Variants in RELL1 observed in about 807,000 individuals in gnomAD.
The protein encoded by RELL1 is RELT-like protein 1.
Under a neutral mutation model 23.0 loss-of-function variants are expected in RELL1, and 10 were observed. That is an observed-to-expected ratio of 0.43 (90% CI 0.27 to 0.74). RELL1 has a LOEUF of 0.74. Among genes scored for constraint, RELL1 ranks in the 30% least tolerant of loss-of-function variants. The pLI is 0.19. For synonymous variants in RELL1, 146 were observed against 146.8 expected (o/e 0.99, Z 0.04); for missense variants, 315 against 364.4 (o/e 0.86, Z 1.10).
chr4:37,659,427 A>T (rs1721239543), intron 1 of RELL1, among the ~76,000 whole-genome samples: 1 of 152,182 alleles, frequency 6.6e-6, no homozygotes, highest in South Asian at 2.1e-4. Flanking sequence ...TGTATTTCCA[A>T]CTGACCCCAA....
chr4:37,587,432 G>A (rs1343818705), downstream of RELL1, among the ~76,000 whole-genome samples: 1 of 152,114 alleles, frequency 6.6e-6, no homozygotes, highest in Non-Finnish European at 1.5e-5. Flanking sequence ...TTTTTTTAAT[G>A]TAAATCTAGT....
intron 1 of RELL1, among the ~76,000 whole-genome samples, chr4:37,682,296 T>C (rs985741382): frequency 2.6e-5 from 4 of 152,256 alleles, no homozygotes; most frequent in Non-Finnish European, 4.4e-5. Flanking sequence ...ATTATTAATA[T>C]ACCCGCTTTC....
At chr4:37,649,249 C>T in intron 2 of RELL1, 27 bp downstream of exon 2, 1 of 1,563,664 alleles carries the variant, frequency 6.4e-7, no homozygotes, top group Non-Finnish European at 8.8e-7. Context: ...CTCCTCACCC[C>T]CAATAAAAAG....
At chr4:37,685,569 G>C (rs1248073196) in intron 1 of RELL1, among the ~76,000 whole-genome samples, 1 of 152,148 alleles carries the variant, frequency 6.6e-6, no homozygotes, top group African/African-American at 2.4e-5. Flanking sequence ...CGTGACGACA[G>C]GAATCAACAA....
At chr4:37,627,498 G>T (rs1029248918) in intron 6 of RELL1, among the ~76,000 whole-genome samples, 5 of 152,188 alleles carry the variant, frequency 3.3e-5, no homozygotes, top group African/African-American at 4.8e-5. Flanking sequence ...GGGCAAGAGG[G>T]CAAGTTAGAT....
chr4:37,638,482 C>G lies in RELL1; in HGVS notation c.408G>C (p.Ala136=), dbSNP rs772637223. The change falls in exon 4 of 7, where the codon GCG becomes GCC. Residue 136 remains alanine, a synonymous_variant. Transcript: ENST00000454158. ...CATACAGGCTGTTATCTGCTACCAT[C>G]GCCTTTAAGACATCAGCATTCGCTA... The part of the protein sequence containing the change: ...KNEANADVLK[A]MVADNSLYDP... The G allele has an allele frequency of 6.2e-7, 1 of 1,612,538 alleles. No homozygotes were observed. The highest frequency in any genetic ancestry group is 1.1e-5 in the South Asian group (1 of 90,800).
At chr4:37,659,609 C>G (rs7692854) in intron 1 of RELL1, among the ~76,000 whole-genome samples, 2,192 of 152,118 alleles carry the variant, frequency 0.014, 55 homozygotes, top group African/African-American at 0.048. Context: ...CCAGCTACCT[C>G]TGTGATACTG....
At chr4:37,608,949 A>G (rs1481365626), downstream of RELL1, among the ~76,000 whole-genome samples, 1 of 152,210 alleles carries the variant, frequency 6.6e-6, no homozygotes, top group Non-Finnish European at 1.5e-5. Flanking sequence ...AGGATTAACT[A>G]AAGAAACCAT....
chr4:37,596,458 A>C (rs1021460173), intron 6 of RELL1, among the ~76,000 whole-genome samples: 3 of 148,164 alleles, frequency 2.0e-5, no homozygotes, highest in African/African-American at 2.5e-5. Flanking sequence ...CCTTTTTTTT[A>C]TCTTGCACCA....
At position 37,671,122 on chromosome 4, in the gene RELL1, A is replaced by C. The variant is rs567528930; in HGVS notation, c.88+15078T>G. On this transcript the variant is annotated intron_variant, in intron 1 of 6. Coordinates refer to ENST00000454158, the MANE Select transcript of RELL1 (RefSeq NM_001085400.2). ...CTCCACAGGTTAAATACTCAATCCC[A>C]CAAGACTGACCCCACTTCAGATGCC... 5.9e-5 allele frequency among the ~76,000 whole-genome samples: 9 copies of C among 152,308 alleles called. No homozygotes were observed. In the South Asian group the frequency reaches 1.9e-3, roughly 32 times the overall value.
chr4:37,673,355 A>G (rs1486224532), intron 1 of RELL1, among the ~76,000 whole-genome samples: 1 of 151,670 alleles, frequency 6.6e-6, no homozygotes, highest in East Asian at 1.9e-4. Flanking sequence ...ATGCCCAGCT[A>G]ATTTTTGTCC....
chr4:37,629,160 T>G (rs1388663613), intron 6 of RELL1, among the ~76,000 whole-genome samples: 1 of 152,148 alleles, frequency 6.6e-6, no homozygotes, highest in Non-Finnish European at 1.5e-5. Context: ...ATCTCTCAAC[T>G]CACTGCCCAG....
At chr4:37,680,931 CAAAAA>C (rs397992973) in intron 1 of RELL1, among the ~76,000 whole-genome samples, 5 of 73,628 alleles carry the variant, frequency 6.8e-5, no homozygotes, top group Non-Finnish European at 5.8e-5. Flanking sequence ...CACTCCATCT[CAAAAA>C]AAAAAAAAAA....
downstream of RELL1, among the ~76,000 whole-genome samples, chr4:37,609,392 G>A (rs572255053): frequency 6.6e-6 from 1 of 152,324 alleles, no homozygotes; most frequent in South Asian, 2.1e-4. Context: ...GACCTGGTCA[G>A]TTACCCAAGA....
intron 6 of RELL1, among the ~76,000 whole-genome samples, chr4:37,599,990 C>G (rs540619027): frequency 1.3e-5 from 2 of 152,196 alleles, no homozygotes; most frequent in Non-Finnish European, 2.9e-5. Flanking sequence ...GTAATTTTGT[C>G]CGAGTACAGT....
At chr4:37,604,809 A>ACG (rs1491338481) in intron 6 of RELL1, among the ~76,000 whole-genome samples, 1 of 47,018 alleles carries the variant, frequency 2.1e-5, no homozygotes, top group Non-Finnish European at 5.8e-5. Context: ...ACACACACAC[A>ACG]GACACACACA....
chr4:37,656,721 T>C (rs1721131658), intron 1 of RELL1, among the ~76,000 whole-genome samples: 1 of 152,188 alleles, frequency 6.6e-6, no homozygotes, highest in Non-Finnish European at 1.5e-5. Flanking sequence ...GGGAGGGGGT[T>C]AGTTATTGGG....
intron 3 of RELL1, among the ~76,000 whole-genome samples, chr4:37,639,127 G>C (rs1384336718): frequency 1.3e-5 from 2 of 152,134 alleles, no homozygotes; most frequent in East Asian, 3.9e-4. Flanking sequence ...GCTCACGCCT[G>C]TAATCCCAGC....
chr4:37,593,103 G>A (rs1718695067), intron 6 of RELL1, among the ~76,000 whole-genome samples: 1 of 152,136 alleles, frequency 6.6e-6, no homozygotes, highest in Non-Finnish European at 1.5e-5. Flanking sequence ...ATAAAGTCTT[G>A]GCATTGTTAA....
Sources: gnomAD v4.1 joint callset for allele counts (sites outside exome capture counted in the v4.1 genomes callset) on GRCh38, gnomAD v4.1.1 for gene constraint, MANE v1.5 for transcripts, NCBI Gene and HGNC (gene_info 2026-07-23, HGNC 2026-07-21) for gene names.